RGPD3: variants seen among roughly 807,000 people sequenced by gnomAD.
RGPD3 encodes RANBP2 like and GRIP domain containing 3, also known as ranBP2-like and GRIP domain-containing protein 3.
A neutral mutation model predicts 154.5 loss-of-function variants in RGPD3; 62 were observed. The observed-to-expected ratio is 0.40, with a 90% CI of 0.33 to 0.50. The LOEUF (loss-of-function observed/expected upper bound fraction) is 0.50. RGPD3 is among the 20% of genes least tolerant of loss of function. The pLI is 0.59. For synonymous variants in RGPD3, 308 were observed against 607.0 expected (o/e 0.51, Z 7.24); for missense variants, 919 against 1,716.8 (o/e 0.54, Z 8.21).
intron 7 of RGPD3, among the ~76,000 whole-genome samples, chr2:106,446,569 CAA>C (rs550745664): frequency 2.3e-3 from 48 of 20,472 alleles, no homozygotes; most frequent in African/African-American, 6.1e-3. Flanking sequence ...GACTCCATCT[CAA>C]AAAAAAAAAA....
At chr2:106,430,539 A>G (rs1321200558) in intron 17 of RGPD3, among the ~76,000 whole-genome samples, 152 of 148,082 alleles carry the variant, frequency 1.0e-3, no homozygotes, top group Non-Finnish European at 1.3e-3. Context: ...ACTACCTGAC[A>G]TTCCAAATCA....
At chr2:106,467,731 A>G (rs1678674604) in intron 1 of RGPD3, among the ~76,000 whole-genome samples, 1 of 141,718 alleles carries the variant, frequency 7.1e-6, no homozygotes, top group Non-Finnish European at 1.5e-5. Context: ...CCGCCTCAAC[A>G]GAGCGCGCCA....
At chr2:106,448,987 C>T (rs1319897595) in intron 6 of RGPD3, among the ~76,000 whole-genome samples, 3 of 150,908 alleles carry the variant, frequency 2.0e-5, no homozygotes, top group African/African-American at 4.9e-5. Context: ...CACCGCGCCC[C>T]GCTGAGCTGA....
intron 22 of RGPD3, among the ~76,000 whole-genome samples, chr2:106,408,769 C>T (rs1676583051): frequency 1.3e-5 from 2 of 151,996 alleles, no homozygotes; most frequent in African/African-American, 4.8e-5. Context: ...TGACTGCAGC[C>T]TCGAACCCCT....
intron 22 of RGPD3, among the ~76,000 whole-genome samples, chr2:106,412,598 G>A (rs1299285260): frequency 1.1e-4 from 17 of 151,806 alleles, no homozygotes; most frequent in South Asian, 6.3e-4. Context: ...GTGAACCACC[G>A]GCGCCTGGCC....
At position 106,423,808 on chromosome 2, in the gene RGPD3, T is replaced by A; in HGVS notation, c.4159A>T (p.Asn1387Tyr). 6.2e-7 allele frequency: 1 copy of A among 1,612,034 alleles called. No homozygotes were observed. The highest frequency in any genetic ancestry group is 2.3e-4 in the Middle Eastern group (1 of 4,430). The change falls in exon 20 of 23, where the codon AAT becomes TAT. Residue 1387 changes from asparagine (N) to tyrosine (Y), a missense_variant. Asn to Tyr is a moderately radical substitution (Grantham distance 143). Transcript: ENST00000409886. ...RGIGDIKILQ[N>Y]YDNKHVRILM... is the part of the protein sequence containing the mutation. ...ATACGAACGTGCTTATTATCATAAT[T>A]CTGTAAAATCTTTATATCACCAATG...
At chr2:106,460,282 G>A (rs1678370755) in intron 1 of RGPD3, among the ~76,000 whole-genome samples, 1 of 149,830 alleles carries the variant, frequency 6.7e-6, no homozygotes, top group African/African-American at 2.5e-5. Context: ...AAAGAAACCA[G>A]CTTTCTTTGG....
chr2:106,415,596 G>C (rs1174618026), intron 21 of RGPD3, among the ~76,000 whole-genome samples: 4 of 136,284 alleles, frequency 2.9e-5, no homozygotes, highest in Non-Finnish European at 6.1e-5. Flanking sequence ...AGAATGGCGT[G>C]AACCTGGGAG....
At chr2:106,415,337 T>C (rs2104447437) in intron 21 of RGPD3, among the ~76,000 whole-genome samples, 1 of 152,004 alleles carries the variant, frequency 6.6e-6, no homozygotes, top group African/African-American at 2.4e-5. Flanking sequence ...TTACGGTTTC[T>C]TAGGAAAAGT....
At chr2:106,438,459 G>T (rs1160297645) in intron 9 of RGPD3, among the ~76,000 whole-genome samples, 1 of 149,330 alleles carries the variant, frequency 6.7e-6, no homozygotes, top group Non-Finnish European at 1.5e-5. Flanking sequence ...CTACACTCCA[G>T]CCCAGGTGAC....
chr2:106,467,881 G>T (rs1379067267), intron 1 of RGPD3, among the ~76,000 whole-genome samples: 2 of 140,670 alleles, frequency 1.4e-5, no homozygotes, highest in South Asian at 2.2e-4. Flanking sequence ...CGAGGCCGCC[G>T]CAGGGCCAGG....
rs1382079155 is a variant in RGPD3 at position 106,423,175 on chromosome 2, C to T, written c.4792G>A (p.Glu1598Lys). Reference protein sequence around the residue: ...VAQSGSESKVEPKKCELSKNS... With the variant: ...VAQSGSESKVKPKKCELSKNS... ...TTTGACAGTTCACATTTTTTAGGTT[C>T]CACTTTGCTTTCAGATCCACTCTGG... The change falls in exon 20 of 23, where the codon GAA becomes AAA. Residue 1598 changes from glutamate (E) to lysine (K), a missense_variant. Coordinates refer to ENST00000409886, the MANE Select transcript of RGPD3 (RefSeq NM_001144013.2). 1 of 1,603,728 alleles carries T rather than the reference C, an allele frequency of 6.2e-7. No individual in the cohort carries two copies. Among genetic ancestry groups the T allele is most frequent in the African/African-American group, 1.3e-5 (1 of 74,392 alleles).
At position 106,451,095 on chromosome 2, in the gene RGPD3, A is replaced by AAC. The variant is rs1678108137; in HGVS notation, c.782+1109_782+1110insGT. On this transcript the variant is annotated intron_variant, in intron 6 of 22. Transcript: ENST00000409886. ...AGAGCAAGACTCCCTCTCAAAAAAA[A>AAC]AAAAACAAAAAAGAAAGAAAGAAAG... Among the ~76,000 whole-genome samples the AAC allele has an allele frequency of 2.8e-5, 4 of 144,734 alleles. 1 individual carries two copies. The South Asian group carries it at 8.5e-4, about 31-fold the overall frequency. The allele number at this position is 144,734 out of a possible 152,430, so 95.0% of individuals were successfully genotyped here.
At chr2:106,414,619 C>CAAA (rs71274726) in intron 21 of RGPD3, among the ~76,000 whole-genome samples, 5 of 136,588 alleles carry the variant, frequency 3.7e-5, no homozygotes, top group African/African-American at 1.1e-4. Context: ...GAGACTATCT[C>CAAA]AAAAAAAAAA....
chr2:106,448,481 GA>G (rs1315237869), intron 6 of RGPD3, among the ~76,000 whole-genome samples: 2 of 149,926 alleles, frequency 1.3e-5, no homozygotes, highest in East Asian at 3.9e-4. Flanking sequence ...CACTTTGGAA[GA>G]AAAGTAAAAG....
At chr2:106,408,883 G>T (rs1263845295) in intron 22 of RGPD3, among the ~76,000 whole-genome samples, 1 of 150,984 alleles carries the variant, frequency 6.6e-6, no homozygotes, top group Non-Finnish European at 1.5e-5. Flanking sequence ...ATAGGGTCTC[G>T]CCATGTTGCC....
rs747945805 is a variant in RGPD3, at chr2:106,436,148, T to C, written c.1733A>G (p.His578Arg). The C allele has an allele frequency of 2.5e-6, 4 of 1,607,998 alleles. No homozygotes were observed. The highest frequency in any genetic ancestry group is 2.2e-5 in the East Asian group (1 of 44,840). ...CATTTTCTGAAGGCATTTTGCCCAA[T>C]GTACAAGCAGAGCAGGTTGAAGGCC... ...KHGLQPALLV[H>R]WAKCLQKMGS... The change falls in exon 12 of 23, where the codon CAT becomes CGT. Residue 578 changes from histidine to arginine, a missense_variant. Physicochemically the swap from His to Arg is conservative, Grantham distance 29. Transcript: ENST00000409886.
intron 22 of RGPD3, among the ~76,000 whole-genome samples, chr2:106,407,267 A>G (rs1244200087): frequency 6.6e-6 from 1 of 152,070 alleles, no homozygotes; most frequent in Non-Finnish European, 1.5e-5. Context: ...TAGAAGCCAC[A>G]ATCTCTTGTA....
intron 1 of RGPD3, among the ~76,000 whole-genome samples, chr2:106,466,035 C>T (rs571307611): frequency 1.3e-5 from 2 of 151,800 alleles, no homozygotes; most frequent in South Asian, 4.2e-4. Flanking sequence ...AGTAAATGTC[C>T]AGGAGATGGG....
Sources: gnomAD v4.1 joint callset for allele counts (sites outside exome capture counted in the v4.1 genomes callset) on GRCh38, gnomAD v4.1.1 for gene constraint, MANE v1.5 for transcripts, NCBI Gene and HGNC (gene_info 2026-07-23, HGNC 2026-07-21) for gene names.